Variants in KCNH8 observed in about 807,000 individuals in gnomAD.
The protein encoded by KCNH8 is potassium voltage-gated channel subfamily H member 8.
A neutral mutation model predicts 103.6 loss-of-function variants in KCNH8; 70 were observed. That is an observed-to-expected ratio of 0.68 (90% CI 0.56 to 0.82). The LOEUF is 0.82. Among genes scored for constraint, KCNH8 ranks in the 40% least tolerant of loss-of-function variants. KCNH8 has a pLI of 0.00. For missense variants in KCNH8, 1,217 were observed against 1,329.9 expected (o/e 0.92, Z 1.32); for synonymous variants, 498 against 489.4 (o/e 1.02, Z -0.23).
intron 11 of KCNH8, among the ~76,000 whole-genome samples, chr3:19,493,399 C>T (rs908925099): frequency 1.3e-5 from 2 of 152,094 alleles, no homozygotes; most frequent in African/African-American, 4.8e-5. Context: ...TTTCTCCATG[C>T]TGCTCTCGTG....
At chr3:19,266,368 C>T (rs558142162) in intron 2 of KCNH8, among the ~76,000 whole-genome samples, 1 of 152,190 alleles carries the variant, frequency 6.6e-6, no homozygotes, top group East Asian at 1.9e-4. Context: ...CCTTTGTACT[C>T]GGTGTTCCCC....
intron 8 of KCNH8, among the ~76,000 whole-genome samples, chr3:19,448,344 T>C (rs2067393152): frequency 6.6e-6 from 1 of 152,026 alleles, no homozygotes; most frequent in Non-Finnish European, 1.5e-5. Context: ...GTTCATCTTC[T>C]CTCTGCAACA....
chr3:19,309,740 G>A (rs1241616509), intron 3 of KCNH8, among the ~76,000 whole-genome samples: 1 of 151,918 alleles, frequency 6.6e-6, no homozygotes, highest in Non-Finnish European at 1.5e-5. Flanking sequence ...GATAGATACA[G>A]CCACAGCAAA....
At chr3:19,384,027 TAG>T (rs1280987172) in intron 5 of KCNH8, among the ~76,000 whole-genome samples, 1 of 152,178 alleles carries the variant, frequency 6.6e-6, no homozygotes, top group African/African-American at 2.4e-5. Context: ...GGAGTCAAAA[TAG>T]ATAGTCTGTA....
intron 7 of KCNH8, among the ~76,000 whole-genome samples, chr3:19,430,969 G>A (rs1006823803): frequency 3.9e-5 from 6 of 152,018 alleles, no homozygotes; most frequent in East Asian, 1.9e-4. Context: ...ATTTGAATAC[G>A]CTTCATTTCT....
chr3:19,180,965 A>G (rs2125202238), intron 1 of KCNH8, among the ~76,000 whole-genome samples: 1 of 152,314 alleles, frequency 6.6e-6, no homozygotes, highest in Middle Eastern at 3.4e-3. Context: ...CTAGAGACAG[A>G]AATATAACAT....
chr3:19,399,071 T>A (rs974665486), intron 7 of KCNH8, among the ~76,000 whole-genome samples: 3 of 152,018 alleles, frequency 2.0e-5, no homozygotes, highest in Non-Finnish European at 4.4e-5. Flanking sequence ...TCAGGTTCAT[T>A]TAGGAGGCAA....
At chr3:19,501,504 T>G (rs1294976820) in intron 11 of KCNH8, among the ~76,000 whole-genome samples, 2 of 151,950 alleles carry the variant, frequency 1.3e-5, no homozygotes, top group East Asian at 1.9e-4. Flanking sequence ...TATCCCTGAT[T>G]AACACTGATG....
At chr3:19,393,076 T>C (rs7635327) in intron 6 of KCNH8, among the ~76,000 whole-genome samples, 35,321 of 151,820 alleles carry the variant, frequency 0.23, 4,473 homozygotes, top group Middle Eastern at 0.33. Flanking sequence ...ACCATGTCCA[T>C]TGGTAAAAGG....
intron 3 of KCNH8, among the ~76,000 whole-genome samples, chr3:19,285,256 C>A (rs1213102683): frequency 2.6e-5 from 4 of 152,102 alleles, no homozygotes; most frequent in Admixed American, 2.6e-4. Flanking sequence ...TGAGCAGCCA[C>A]TCTGACCCCA....
intron 1 of KCNH8, among the ~76,000 whole-genome samples, chr3:19,187,466 T>C (rs1408516745): frequency 6.6e-6 from 1 of 152,094 alleles, no homozygotes; most frequent in African/African-American, 2.4e-5. Flanking sequence ...CCATACCTTG[T>C]TAATGTGTAT....
chr3:19,341,408 A>C (rs962640268), intron 3 of KCNH8, among the ~76,000 whole-genome samples: 5 of 152,082 alleles, frequency 3.3e-5, no homozygotes, highest in Non-Finnish European at 1.5e-5. Context: ...CCATCAACTA[A>C]TGTTTGCTTG....
At chr3:19,182,707 T>A (rs2063466481) in intron 1 of KCNH8, among the ~76,000 whole-genome samples, 1 of 152,068 alleles carries the variant, frequency 6.6e-6, no homozygotes, top group African/African-American at 2.4e-5. Context: ...GCCTCTTTAC[T>A]GAATATATTC....
intron 1 of KCNH8, among the ~76,000 whole-genome samples, chr3:19,209,249 G>C (rs753831824): frequency 6.6e-6 from 1 of 151,956 alleles, no homozygotes; most frequent in Non-Finnish European, 1.5e-5. Context: ...TACTTAAAAG[G>C]ATTCACAATG....
chr3:19,324,370 G>T (rs1034052036), intron 3 of KCNH8, among the ~76,000 whole-genome samples: 1 of 152,164 alleles, frequency 6.6e-6, no homozygotes, highest in Non-Finnish European at 1.5e-5. Flanking sequence ...AAAGAAAGAA[G>T]AGTAAAGGAG....
At chr3:19,342,837 T>A in intron 4 of KCNH8, 123 bp downstream of exon 4, 1 of 924,260 alleles carries the variant, frequency 1.1e-6, no homozygotes, top group Non-Finnish European at 1.6e-6. Flanking sequence ...TCCACTTTGG[T>A]TTGTGCTTTT....
chr3:19,199,595 G>C (rs1027345235), intron 1 of KCNH8, among the ~76,000 whole-genome samples: 2 of 149,286 alleles, frequency 1.3e-5, no homozygotes, highest in African/African-American at 4.9e-5. Context: ...AATATATGAT[G>C]TATTATATAT....
chr3:19,473,150 G>A (rs2067898455), intron 11 of KCNH8, among the ~76,000 whole-genome samples: 1 of 152,168 alleles, frequency 6.6e-6, no homozygotes, highest in African/African-American at 2.4e-5. Context: ...CTGCATACAA[G>A]CCTAATACAT....
At chr3:19,225,443 G>C (rs965350425) in intron 1 of KCNH8, among the ~76,000 whole-genome samples, 1 of 152,064 alleles carries the variant, frequency 6.6e-6, no homozygotes, top group Non-Finnish European at 1.5e-5. Flanking sequence ...GGCTATTCAA[G>C]GTCAAAGTCC....
Sources: gnomAD v4.1 joint callset for allele counts (sites outside exome capture counted in the v4.1 genomes callset) on GRCh38, gnomAD v4.1.1 for gene constraint, MANE v1.5 for transcripts, NCBI Gene and HGNC (gene_info 2026-07-23, HGNC 2026-07-21) for gene names.